The following CATSPER3 variants were observed in gnomAD, a reference collection of about 807,000 sequenced individuals.
The protein encoded by CATSPER3 is cation channel sperm associated 3.
A neutral mutation model predicts 36.6 loss-of-function variants in CATSPER3; 23 were observed. That is an observed-to-expected ratio of 0.63 (90% CI 0.45 to 0.89). The LOEUF (loss-of-function observed/expected upper bound fraction) is 0.89, where lower values mean the gene tolerates loss of function less well. CATSPER3 is among the 40% of genes least tolerant of loss of function. The pLI, the probability that CATSPER3 is intolerant of heterozygous loss-of-function variation, is 0.00. For synonymous variants in CATSPER3, 172 were observed against 184.1 expected (o/e 0.93, Z 0.53); for missense variants, 474 against 503.9 (o/e 0.94, Z 0.57).
intron 6 of CATSPER3, among the ~76,000 whole-genome samples, chr5:135,009,908 A>G (rs1040583075): frequency 6.6e-6 from 1 of 152,196 alleles, no homozygotes; most frequent in African/African-American, 2.4e-5. Context: ...CTAAACCCAG[A>G]ACAAGAATGG....
intron 2 of CATSPER3, 62 bp from the exon 3 acceptor site, chr5:134,996,211 A>T (rs1026587849): frequency 5.0e-6 from 8 of 1,611,484 alleles, no homozygotes; most frequent in Non-Finnish European, 6.8e-6. Flanking sequence ...CGCAGGGAGC[A>T]GGCCAGAGCT....
intron 3 of CATSPER3, among the ~76,000 whole-genome samples, chr5:134,998,856 C>T (rs536354613): frequency 4.7e-4 from 72 of 152,298 alleles, no homozygotes; most frequent in African/African-American, 1.7e-3. Context: ...TTCTCCCATT[C>T]TGTAGGTTGC....
chr5:135,002,658 G>A (rs1298335916), intron 3 of CATSPER3, among the ~76,000 whole-genome samples: 4 of 151,800 alleles, frequency 2.6e-5, no homozygotes, highest in East Asian at 1.9e-4. Context: ...GGCTTTGTTC[G>A]TTTTACTCTT....
At chr5:134,997,633 C>T (rs1751966613) in intron 3 of CATSPER3, among the ~76,000 whole-genome samples, 1 of 152,198 alleles carries the variant, frequency 6.6e-6, no homozygotes, top group Non-Finnish European at 1.5e-5. Context: ...TCCAGCCTGA[C>T]TTCTCAGGAG....
At position 135,008,937 on chromosome 5, in the gene CATSPER3, A is replaced by G. The variant is rs768343788; in HGVS notation, c.772A>G (p.Ile258Val). 11 of 1,613,992 alleles carry G rather than the reference A, an allele frequency of 6.8e-6. No individual in the cohort carries two copies. The East Asian group carries it at 2.2e-4, about 33-fold the overall frequency. ...TIIFILLASF[I>V]FLNMFVGVMI... ...CATCTTCATCTTGCTCGCCTCTTTC[A>G]TCTTCCTCAACATGTTCGTGGGTGT... The change falls in exon 5 of 8, where the codon ATC (isoleucine) becomes GTC (valine). Residue 258 changes from isoleucine (I) to valine (V), a missense_variant. Physicochemically the swap from Ile to Val is conservative, Grantham distance 29 (BLOSUM62 3). Transcript: ENST00000282611.
At chr5:134,978,105 C>T (rs114464073) in intron 2 of CATSPER3, among the ~76,000 whole-genome samples, 3 of 152,138 alleles carry the variant, frequency 2.0e-5, no homozygotes, top group Admixed American at 6.5e-5. Flanking sequence ...TGGGAGGAGA[C>T]GAACATCCAA....
At position 134,968,041 on chromosome 5, in the gene CATSPER3, C is replaced by T; in HGVS notation, c.50C>T (p.Pro17Leu). The change falls in exon 1 of 8, where the codon CCA becomes CTA. Residue 17 changes from proline (P) to leucine (L), a missense_variant. Physicochemically the swap from Pro to Leu is moderately conservative, Grantham distance 98. Transcript: ENST00000282611. ...CACTCGAGAGTCATTTCTAGTTCACCAGTTGACACTACATCGGTGGGATTT... is the reference window on the plus strand; with the variant it reads ...CACTCGAGAGTCATTTCTAGTTCACTAGTTGACACTACATCGGTGGGATTT... ...QRHSRVISSSPVDTTSVGFCP... is the reference protein window; with the variant it reads ...QRHSRVISSSLVDTTSVGFCP... The T allele has an allele frequency of 6.2e-7, 1 of 1,614,048 alleles. No individual in the cohort carries two copies. Among genetic ancestry groups the T allele is most frequent in the Non-Finnish European group, 8.5e-7 (1 of 1,179,952 alleles).
At chr5:135,004,767 G>A (rs1752064346) in intron 3 of CATSPER3, among the ~76,000 whole-genome samples, 1 of 152,200 alleles carries the variant, frequency 6.6e-6, no homozygotes, top group South Asian at 2.1e-4. Context: ...CAAGACATGA[G>A]GGAGAGGGGG....
chr5:134,999,385 A>G (rs1338768623), intron 3 of CATSPER3, among the ~76,000 whole-genome samples: 1 of 152,120 alleles, frequency 6.6e-6, no homozygotes, highest in Non-Finnish European at 1.5e-5. Flanking sequence ...TTGTCTTGGC[A>G]ATGCGGGCTC....
chr5:134,968,836 A>G (rs1000975385), intron 1 of CATSPER3: 2 of 152,246 alleles, frequency 1.3e-5, no homozygotes, highest in African/African-American at 4.8e-5. Flanking sequence ...GATAAATGGA[A>G]ATAAACAGGA....
At chr5:134,981,036 C>A (rs1751744301) in intron 2 of CATSPER3, among the ~76,000 whole-genome samples, 1 of 152,092 alleles carries the variant, frequency 6.6e-6, no homozygotes, top group Non-Finnish European at 1.5e-5. Flanking sequence ...CTCTCTCTTG[C>A]TCTCTTTTTC....
intron 2 of CATSPER3, among the ~76,000 whole-genome samples, chr5:134,976,909 T>C (rs1306458658): frequency 6.6e-6 from 1 of 152,198 alleles, no homozygotes; most frequent in Non-Finnish European, 1.5e-5. Context: ...GCAGACCTTA[T>C]TTGAGCTAAG....
intron 3 of CATSPER3, among the ~76,000 whole-genome samples, chr5:135,001,015 T>G (rs299369): frequency 0.29 from 44,283 of 152,028 alleles, 7,117 homozygotes; most frequent in South Asian, 0.52. Flanking sequence ...AATTGTGATG[T>G]TAGGGTGTCA....
chr5:135,010,354 G>A lies in CATSPER3; in HGVS notation c.937-19G>A, dbSNP rs779209087. ...GTCACCTCCTCATCACTGCTCTCTCGTTATGCTTTCCTCTCTAGAAAAATG... is the reference window on the plus strand; with the variant it reads ...GTCACCTCCTCATCACTGCTCTCTCATTATGCTTTCCTCTCTAGAAAAATG... On this transcript the variant is annotated intron_variant, in intron 6 of 7. Transcript: ENST00000282611. 3.7e-6 allele frequency: 6 copies of A among 1,612,546 alleles called. No individual in the cohort carries two copies. Among genetic ancestry groups the A allele is most frequent in the African/African-American group, 1.3e-5 (1 of 75,026 alleles).
At chr5:134,999,943 A>G (rs1004087174) in intron 3 of CATSPER3, among the ~76,000 whole-genome samples, 6 of 152,146 alleles carry the variant, frequency 3.9e-5, no homozygotes, top group African/African-American at 1.2e-4. Flanking sequence ...TTCCAACACT[A>G]TGTTGAATAG....
At chr5:135,011,391 C>A in intron 7 of CATSPER3, 130 bp from the exon 8 acceptor site, 1 of 732,450 alleles carries the variant, frequency 1.4e-6, no homozygotes, top group Non-Finnish European at 2.4e-6. Flanking sequence ...CCAGCCTCAT[C>A]TGGCTCTGAA....
chr5:134,990,119 G>GT (rs1256542853), intron 2 of CATSPER3, among the ~76,000 whole-genome samples: 1 of 152,100 alleles, frequency 6.6e-6, no homozygotes, highest in African/African-American at 2.4e-5. Flanking sequence ...TTAAAATAGC[G>GT]TGAACCCCGA....
At position 134,970,028 on chromosome 5, in the gene CATSPER3, A is replaced by C. The variant is rs1205533457; in HGVS notation, c.188A>C (p.Asn63Thr). ...ATTATGATTAGCACTGTCACATCGAATGCGTTTTTTATGGCCTTGTGGACC... is the reference window on the plus strand; with the variant it reads ...ATTATGATTAGCACTGTCACATCGACTGCGTTTTTTATGGCCTTGTGGACC... ...KIIMISTVTS[N>T]AFFMALWTSY... The change falls in exon 2 of 8, where the codon AAT becomes ACT. Residue 63 changes from asparagine (N) to threonine (T), a missense_variant. By Grantham distance (65) the Asn-to-Thr change is moderately conservative (BLOSUM62 0). Coordinates refer to ENST00000282611, the MANE Select transcript of CATSPER3 (RefSeq NM_178019.3). 8 of 1,613,982 alleles carry C rather than the reference A, an allele frequency of 5.0e-6. No homozygotes were observed. In the African/African-American group the frequency reaches 9.3e-5, roughly 19 times the overall value.
At chr5:135,007,222 T>G (rs1752099911) in intron 3 of CATSPER3, among the ~76,000 whole-genome samples, 1 of 152,200 alleles carries the variant, frequency 6.6e-6, no homozygotes, top group South Asian at 2.1e-4. Flanking sequence ...ACAATTTGCT[T>G]CTTTGAGCCT....
Sources: gnomAD v4.1 joint callset for allele counts (sites outside exome capture counted in the v4.1 genomes callset) on GRCh38, gnomAD v4.1.1 for gene constraint, MANE v1.5 for transcripts, NCBI Gene and HGNC (gene_info 2026-07-23, HGNC 2026-07-21) for gene names.